SNX29: variants seen among roughly 807,000 people sequenced by gnomAD.
SNX29 encodes the protein sorting nexin 29.
SNX29 carries 78 observed loss-of-function variants against 102.1 expected under a neutral mutation model. The ratio of observed to expected loss-of-function variants is 0.76; its 90% CI spans 0.64 to 0.92. The LOEUF (loss-of-function observed/expected upper bound fraction) is 0.92, where lower values mean the gene tolerates loss of function less well. Among genes scored for constraint, SNX29 ranks in the 40% least tolerant of loss-of-function variants. The pLI is 0.00. For missense variants in SNX29, 1,280 were observed against 1,061.7 expected (o/e 1.21, Z -2.86); for synonymous variants, 580 against 414.5 (o/e 1.40, Z -4.85).
chr16:12,284,263 A>G (rs1198980055), intron 15 of SNX29, among the ~76,000 whole-genome samples: 3 of 152,244 alleles, frequency 2.0e-5, no homozygotes, highest in Non-Finnish European at 4.4e-5. Context: ...TTACTGCCGT[A>G]TGTTCCTGGG....
intron 13 of SNX29, among the ~76,000 whole-genome samples, chr16:12,196,089 C>T (rs922293103): frequency 1.3e-5 from 2 of 151,302 alleles, no homozygotes; most frequent in Non-Finnish European, 2.9e-5. Context: ...GATCCTCCCA[C>T]CTCAGCCTCC....
chr16:12,153,954 G>A (rs1188658119), intron 13 of SNX29, among the ~76,000 whole-genome samples: 1 of 152,194 alleles, frequency 6.6e-6, no homozygotes, highest in Admixed American at 6.5e-5. Context: ...TTTGAATTAT[G>A]GAGACGGTGT....
chr16:12,158,423 C>T (rs2055646465), intron 13 of SNX29, among the ~76,000 whole-genome samples: 1 of 152,158 alleles, frequency 6.6e-6, no homozygotes, highest in Non-Finnish European at 1.5e-5. Context: ...TGGTCTCGAA[C>T]TCCTGACCTC....
At position 12,403,244 on chromosome 16, in the gene SNX29, GT is replaced by G. The variant is rs1567527949; in HGVS notation, c.1956-203del. Among the ~76,000 whole-genome samples the G allele has an allele frequency of 7.2e-3, 1,041 of 144,430 alleles. 16 individuals are homozygous for G. Among genetic ancestry groups the G allele is most frequent in the African/African-American group, 0.018 (681 of 38,648 alleles). The allele number at this position is 144,430 out of a possible 152,430, so 94.8% of individuals were successfully genotyped here. A position where few individuals can be genotyped will look rare whatever the true frequency, so the allele number is the denominator to read the frequency against. On this transcript the variant is annotated intron_variant, in intron 17 of 20. Coordinates refer to ENST00000566228, the MANE Select transcript of SNX29 (RefSeq NM_032167.5). The stretch of plus-strand genomic sequence containing the variant: ...TGTGTGTGTGTGTGTGTGTGTGTGT[GT>G]GTGTGTGTGTAGAGAGAGACAGACT...
chr16:11,978,030 C>G (rs961855446), intron 1 of SNX29, among the ~76,000 whole-genome samples: 1 of 152,134 alleles, frequency 6.6e-6, no homozygotes, highest in East Asian at 1.9e-4. Context: ...ATACTGCTGT[C>G]TTCAATTTTA....
At chr16:11,987,013 C>T (rs2055655407) in intron 1 of SNX29, among the ~76,000 whole-genome samples, 1 of 152,194 alleles carries the variant, frequency 6.6e-6, no homozygotes, top group African/African-American at 2.4e-5. Flanking sequence ...GCTTCGGATA[C>T]AGACAAGTTC....
At chr16:12,382,134 C>G (rs1005813783) in intron 16 of SNX29, among the ~76,000 whole-genome samples, 1 of 152,118 alleles carries the variant, frequency 6.6e-6, no homozygotes, top group Non-Finnish European at 1.5e-5. Context: ...TATTTGACCC[C>G]TACCTCTCAT....
At chr16:12,301,471 C>G (rs905412289) in intron 15 of SNX29, among the ~76,000 whole-genome samples, 17 of 152,230 alleles carry the variant, frequency 1.1e-4, no homozygotes, top group Non-Finnish European at 1.5e-5. Context: ...TCGTGTCCTC[C>G]CAGTCTCCAT....
chr16:12,564,358 G>A (rs1223316429), intron 20 of SNX29, among the ~76,000 whole-genome samples: 3 of 152,094 alleles, frequency 2.0e-5, no homozygotes, highest in East Asian at 3.9e-4. Flanking sequence ...TGTCAAAGGA[G>A]CCAAATCTAT....
intron 19 of SNX29, among the ~76,000 whole-genome samples, chr16:12,493,875 A>G (rs1313901388): frequency 6.6e-6 from 1 of 152,208 alleles, no homozygotes; most frequent in Non-Finnish European, 1.5e-5. Flanking sequence ...TACAGGCGTG[A>G]GCCACCGCAC....
At chr16:12,089,518 G>C (rs2052397462) in intron 11 of SNX29, among the ~76,000 whole-genome samples, 1 of 152,094 alleles carries the variant, frequency 6.6e-6, no homozygotes, top group Non-Finnish European at 1.5e-5. Context: ...GCATTAGAAA[G>C]GCAAAGCCTA....
At chr16:12,553,340 AAACC>A (rs1567184530) in intron 20 of SNX29, among the ~76,000 whole-genome samples, 1 of 152,208 alleles carries the variant, frequency 6.6e-6, no homozygotes, top group African/African-American at 2.4e-5. Context: ...GCAGGCAGAG[AAACC>A]AGCTCGTCTT....
At chr16:12,406,361 A>G (rs941397158) in intron 18 of SNX29, among the ~76,000 whole-genome samples, 1 of 152,244 alleles carries the variant, frequency 6.6e-6, no homozygotes, top group African/African-American at 2.4e-5. Flanking sequence ...ATTTCCACAC[A>G]GGATTTGAGA....
rs567157256 is a variant in SNX29, at chr16:12,321,355, G to A, written c.1783-34808G>A. Among the ~76,000 whole-genome samples the A allele has an allele frequency of 2.8e-4, 43 of 152,252 alleles. 1 individual carries two copies. Among genetic ancestry groups the A allele is most frequent in the Non-Finnish European group, 4.1e-4 (28 of 68,034 alleles). On this transcript the variant is annotated intron_variant, in intron 15 of 20. Coordinates refer to ENST00000566228, the MANE Select transcript of SNX29 (RefSeq NM_032167.5). ...AGGAATGACTTCCCAAACCCAGTCC[G>A]ACCTAGCTAGAGAAAAACATCTCAG...
At chr16:12,551,790 A>T (rs1462995733) in intron 20 of SNX29, among the ~76,000 whole-genome samples, 1 of 152,194 alleles carries the variant, frequency 6.6e-6, no homozygotes, top group Non-Finnish European at 1.5e-5. Flanking sequence ...TCAGAAGCAC[A>T]TGGGCATCAA....
At chr16:12,025,728 G>C (rs1014157308) in intron 3 of SNX29, among the ~76,000 whole-genome samples, 1 of 152,234 alleles carries the variant, frequency 6.6e-6, no homozygotes, top group African/African-American at 2.4e-5. Context: ...ATTTGCTGAT[G>C]CTGTGTTAGG....
intron 14 of SNX29, among the ~76,000 whole-genome samples, chr16:12,235,785 T>TG (rs2077909898): frequency 6.8e-6 from 1 of 147,958 alleles, no homozygotes; most frequent in South Asian, 2.2e-4. Context: ...GGGTTGTAAA[T>TG]TGTGTGTGTG....
At chr16:12,457,119 A>C (rs1567582821) in intron 18 of SNX29, among the ~76,000 whole-genome samples, 1 of 152,234 alleles carries the variant, frequency 6.6e-6, no homozygotes, top group South Asian at 2.1e-4. Flanking sequence ...GGGCAGGTCA[A>C]GTCACATTGT....
At chr16:12,318,187 C>T (rs892026682) in intron 15 of SNX29, among the ~76,000 whole-genome samples, 3 of 152,240 alleles carry the variant, frequency 2.0e-5, no homozygotes, top group African/African-American at 7.2e-5. Flanking sequence ...TTGAAATTCA[C>T]ATCTTGCTCC....
Sources: allele counts gnomAD v4.1 joint callset (sites outside exome capture counted in the v4.1 genomes callset), GRCh38; gene constraint gnomAD v4.1.1; transcripts MANE v1.5; gene names NCBI Gene and HGNC (gene_info 2026-07-23, HGNC 2026-07-21).